The following TDP1 variants were observed in gnomAD, a reference collection of about 807,000 sequenced individuals.
The protein encoded by TDP1 is tyrosyl-DNA phosphodiesterase 1, also known as tyr-DNA phosphodiesterase 1.
Under a neutral mutation model 81.5 loss-of-function variants are expected in TDP1, and 64 were observed. That is an observed-to-expected ratio of 0.79 (90% CI 0.64 to 0.97). The LOEUF is 0.97. Ranked by LOEUF, TDP1 falls within the 50% of genes least tolerant of loss-of-function variation. The pLI is 0.00. For missense variants in TDP1, 723 were observed against 743.8 expected, an observed-to-expected ratio of 0.97 and a Z score of 0.33; for synonymous variants, 256 against 264.3, an observed-to-expected ratio of 0.97 and a Z score of 0.30.
At chr14:90,029,194 A>ATTT (rs539198642) in intron 15 of TDP1, among the ~76,000 whole-genome samples, 3,129 of 116,048 alleles carry the variant, frequency 0.027, 148 homozygotes, top group African/African-American at 0.093. Context: ...CCCTGCCATT[A>ATTT]TTTTTTTTTT....
chr14:89,964,230 G>T (rs1465477351), intron 3 of TDP1, among the ~76,000 whole-genome samples: 2 of 152,210 alleles, frequency 1.3e-5, no homozygotes, highest in African/African-American at 4.8e-5. Context: ...ACAAAATAGT[G>T]CCTGAGTGCA....
intron 5 of TDP1, 28 bp downstream of exon 5, chr14:89,967,450 C>T: frequency 2.5e-6 from 4 of 1,596,118 alleles, no homozygotes; most frequent in Non-Finnish European, 3.4e-6. Flanking sequence ...ACAGACAACA[C>T]TATAAACTGT....
At chr14:89,975,326 T>C in intron 6 of TDP1, 1 of 703,800 alleles carries the variant, frequency 1.4e-6, no homozygotes, top group African/African-American at 1.9e-5. Context: ...TGTGCCCGCC[T>C]CAGCCTCCCA....
chr14:89,968,278 T>C (rs1200586670), intron 5 of TDP1, among the ~76,000 whole-genome samples: 1 of 151,982 alleles, frequency 6.6e-6, no homozygotes, highest in Non-Finnish European at 1.5e-5. Context: ...CACATTCAGA[T>C]GGTAAACATT....
chr14:89,965,453 A>G (rs1395440667), intron 3 of TDP1, among the ~76,000 whole-genome samples: 1 of 152,188 alleles, frequency 6.6e-6, no homozygotes, highest in Non-Finnish European at 1.5e-5. Flanking sequence ...GGAGTAAGTA[A>G]TGGATGGGAA....
chr14:90,042,247 C>A (rs1157010485), intron 16 of TDP1, among the ~76,000 whole-genome samples: 2 of 152,178 alleles, frequency 1.3e-5, no homozygotes, highest in African/African-American at 2.4e-5. Context: ...GAGAGCTGCA[C>A]CTGTGGCTGT....
At chr14:89,984,474 A>C in intron 8 of TDP1, 42 bp from the exon 9 acceptor site, 4 of 1,612,972 alleles carry the variant, frequency 2.5e-6, no homozygotes, top group Non-Finnish European at 3.4e-6. Flanking sequence ...CATTATGATC[A>C]GTTGTGTGCC....
chr14:90,010,892 G>A lies in TDP1; in HGVS notation c.1542-8424G>A, dbSNP rs745875401. 1.4e-4 allele frequency among the ~76,000 whole-genome samples: 22 copies of A among 152,254 alleles called. No homozygotes were observed. The South Asian group carries it at 1.5e-3, about 10-fold the overall frequency. The stretch of plus-strand genomic sequence containing the variant: ...CATAGTTTAAAAATTGATACTTCAC[G>A]GAGGTAAACATCAGCGTTCAGTAGT... On this transcript the variant is annotated intron_variant, in intron 14 of 16. Coordinates refer to ENST00000335725, the MANE Select transcript of TDP1 (RefSeq NM_018319.4).
At chr14:90,010,744 T>A (rs1233628739) in intron 14 of TDP1, among the ~76,000 whole-genome samples, 1 of 152,222 alleles carries the variant, frequency 6.6e-6, no homozygotes, top group East Asian at 1.9e-4. Flanking sequence ...CCTAAAACTT[T>A]AATTTTACTT....
intron 16 of TDP1, among the ~76,000 whole-genome samples, chr14:90,041,201 C>T (rs1302010326): frequency 2.0e-5 from 3 of 152,178 alleles, no homozygotes; most frequent in African/African-American, 7.2e-5. Flanking sequence ...AGTCCAAGCA[C>T]AGATGGAGTT....
At chr14:90,021,721 TAG>T (rs1404287793) in intron 15 of TDP1, among the ~76,000 whole-genome samples, 1 of 152,164 alleles carries the variant, frequency 6.6e-6, no homozygotes, top group Non-Finnish European at 1.5e-5. Context: ...CCAGGTAAAA[TAG>T]AGATTGCATT....
intron 6 of TDP1, among the ~76,000 whole-genome samples, chr14:89,975,206 G>C (rs906774032): frequency 3.9e-5 from 6 of 152,154 alleles, no homozygotes; most frequent in African/African-American, 1.4e-4. Context: ...CTCCTAAGTA[G>C]CTGGGACTAC....
chr14:89,976,041 G>A (rs1894270748), intron 7 of TDP1, among the ~76,000 whole-genome samples: 1 of 152,194 alleles, frequency 6.6e-6, no homozygotes. Flanking sequence ...GTTTAGGTAT[G>A]TGATTTTTCC....
At chr14:90,020,814 T>TTTTTTTTTTG (rs1217480966) in intron 15 of TDP1, among the ~76,000 whole-genome samples, 2 of 142,286 alleles carry the variant, frequency 1.4e-5, no homozygotes, top group African/African-American at 2.7e-5. Context: ...TTTTTTTTTT[T>TTTTTTTTTTG]AGACAGAGTC....
At position 89,996,452 on chromosome 14, in the gene TDP1, C is replaced by CT. The variant is rs535587673; in HGVS notation, c.1541+2973dup. ...CTCTCTTTCTTCAGTTGCTGTTCATCTTTTAAGAGTTGTGTTCAGGTCCCA... is the reference window on the plus strand; with the variant it reads ...CTCTCTTTCTTCAGTTGCTGTTCATCTTTTTAAGAGTTGTGTTCAGGTCCCA... On this transcript the variant is annotated intron_variant, in intron 14 of 16. Transcript: ENST00000335725. Among the ~76,000 whole-genome samples, 140 of 152,302 alleles carry CT rather than the reference C, an allele frequency of 9.2e-4. 1 individual carries two copies. Among genetic ancestry groups the CT allele is most frequent in the African/African-American group, 3.3e-3 (137 of 41,566 alleles).
intron 14 of TDP1, among the ~76,000 whole-genome samples, chr14:90,017,481 T>C (rs1035355074): frequency 6.6e-6 from 1 of 152,212 alleles, no homozygotes; most frequent in South Asian, 2.1e-4. Context: ...AAAGGAGGGA[T>C]TGGAGGAAGC....
chr14:90,025,558 T>G (rs1886554265), intron 15 of TDP1, among the ~76,000 whole-genome samples: 1 of 152,216 alleles, frequency 6.6e-6, no homozygotes, highest in Non-Finnish European at 1.5e-5. Context: ...TACTTAGTGA[T>G]GTTTGGTGTA....
intron 15 of TDP1, among the ~76,000 whole-genome samples, chr14:90,029,483 G>A (rs1444806482): frequency 4.7e-5 from 7 of 147,858 alleles, no homozygotes; most frequent in Non-Finnish European, 1.0e-4. Context: ...ACAGGCATGA[G>A]CCACCGCACC....
chr14:89,969,481 G>C (rs1235007800), intron 5 of TDP1, among the ~76,000 whole-genome samples: 2 of 152,260 alleles, frequency 1.3e-5, no homozygotes, highest in South Asian at 2.1e-4. Context: ...CAATAAATTT[G>C]AAAGAATTAA....
Sources: allele counts gnomAD v4.1 joint callset (sites outside exome capture counted in the v4.1 genomes callset), GRCh38; gene constraint gnomAD v4.1.1; transcripts MANE v1.5; gene names NCBI Gene and HGNC (gene_info 2026-07-23, HGNC 2026-07-21).